Variants in GALNT18 observed in about 807,000 individuals in gnomAD.
GALNT18 encodes polypeptide N-acetylgalactosaminyltransferase 18.
GALNT18 carries 44 observed loss-of-function variants against 69.5 expected under a neutral mutation model. The observed-to-expected ratio is 0.63, with a 90% CI of 0.50 to 0.81. GALNT18 has a LOEUF of 0.81. Among genes scored for constraint, GALNT18 ranks in the 40% least tolerant of loss-of-function variants. The pLI is 0.00. For missense variants in GALNT18, 715 were observed against 810.0 expected, an observed-to-expected ratio of 0.88 and a Z score of 1.42; for synonymous variants, 364 against 318.2, an observed-to-expected ratio of 1.14 and a Z score of -1.53.
rs746409394 is a variant in GALNT18 at position 11,432,621 on chromosome 11, C to G, written c.595G>C (p.Glu199Gln). ...GGCCCTGGGAAGCTCCGACACTCAC[C>G]GTTACTGCTGTTGTCATCCACCAGA... The part of the protein sequence containing the change: ...IILVDDNSSN[E>Q]ELKEKLTEYV... Residue 199 changes from glutamate (E) to glutamine (Q), a missense_variant and splice_region_variant, in exon 3 of 11, where the codon GAG becomes CAG. Glu to Gln is a conservative substitution (Grantham distance 29). Coordinates refer to ENST00000227756, the MANE Select transcript of GALNT18 (RefSeq NM_198516.3). The surrounding 1 kb of genome is among the most constrained non-coding windows in gnomAD (Gnocchi z 5.8). The G allele has an allele frequency of 2.3e-5, 37 of 1,604,820 alleles. No individual in the cohort carries two copies. The highest frequency in any genetic ancestry group is 3.1e-5 in the Non-Finnish European group (37 of 1,175,452).
intron 1 of GALNT18, among the ~76,000 whole-genome samples, chr11:11,513,993 A>G (rs1590064481): frequency 6.6e-6 from 1 of 151,892 alleles, no homozygotes; most frequent in South Asian, 2.1e-4. Flanking sequence ...GTTCCCCCCA[A>G]GGGCCAGGAG....
At chr11:11,414,880 C>A (rs548877077) in intron 3 of GALNT18, among the ~76,000 whole-genome samples, 2 of 152,166 alleles carry the variant, frequency 1.3e-5, no homozygotes, top group African/African-American at 2.4e-5. Context: ...GTACAATGAG[C>A]CTGGATTCTC....
intron 1 of GALNT18, among the ~76,000 whole-genome samples, chr11:11,516,919 G>C (rs1413608899): frequency 2.0e-5 from 3 of 152,224 alleles, no homozygotes; most frequent in African/African-American, 4.8e-5. Flanking sequence ...AACCCACAAA[G>C]TTCATACGGT....
chr11:11,376,342 A>C (rs1338603023), intron 5 of GALNT18, among the ~76,000 whole-genome samples: 1 of 152,162 alleles, frequency 6.6e-6, no homozygotes, highest in African/African-American at 2.4e-5. Flanking sequence ...AGATCACGCC[A>C]TTGCCCTCCA....
At chr11:11,381,135 A>G (rs1035817374) in intron 3 of GALNT18, among the ~76,000 whole-genome samples, 2 of 152,250 alleles carry the variant, frequency 1.3e-5, no homozygotes, top group Non-Finnish European at 2.9e-5. Context: ...ATGGAGCAGC[A>G]TAACTCAATA....
chr11:11,347,094 A>G lies in GALNT18; in HGVS notation c.1093-6090T>C, dbSNP rs2133062769. 6.6e-6 allele frequency among the ~76,000 whole-genome samples: 1 copy of G among 152,310 alleles called. No individual in the cohort carries two copies. The highest frequency in any genetic ancestry group is 1.5e-5 in the Non-Finnish European group (1 of 68,026). On this transcript the variant is annotated intron_variant, in intron 6 of 10. Transcript: ENST00000227756. The surrounding 1 kb of genome is among the most constrained non-coding windows in gnomAD (Gnocchi z 4.0). ...GTACAAGGTCAGGGTTACATCTTGTATTGGCCACTCACACAAACAAGCCTC... is the reference window on the plus strand; with the variant it reads ...GTACAAGGTCAGGGTTACATCTTGTGTTGGCCACTCACACAAACAAGCCTC...
chr11:11,587,925 A>G lies in GALNT18; in HGVS notation c.235+33434T>C, dbSNP rs1859264793. Among the ~76,000 whole-genome samples the G allele has an allele frequency of 6.6e-6, 1 of 152,122 alleles. No homozygotes were observed. Among genetic ancestry groups the G allele is most frequent in the African/African-American group, 2.4e-5 (1 of 41,434 alleles). ...AAGGAAGCCTTTCTACTAATTCACT[A>G]AGAGTGGCATGTCTCTACCAATAAA... On this transcript the variant is annotated intron_variant, in intron 1 of 10. Transcript: ENST00000227756. This position sits in a 1 kb window ranked among gnomAD's most constrained non-coding sequence, Gnocchi z 4.4.
At chr11:11,403,578 T>C (rs1034820894) in intron 3 of GALNT18, among the ~76,000 whole-genome samples, 1 of 152,186 alleles carries the variant, frequency 6.6e-6, no homozygotes, top group African/African-American at 2.4e-5. Context: ...TTTTCTTCCC[T>C]CTGGAACTTC....
At chr11:11,487,655 T>C (rs564595924) in intron 1 of GALNT18, among the ~76,000 whole-genome samples, 1 of 152,326 alleles carries the variant, frequency 6.6e-6, no homozygotes, top group East Asian at 1.9e-4. Context: ...TTTCCATACG[T>C]TGGCTTCTAA....
chr11:11,285,543 C>G (rs1347496225), intron 10 of GALNT18, among the ~76,000 whole-genome samples: 2 of 152,156 alleles, frequency 1.3e-5, no homozygotes, highest in Non-Finnish European at 2.9e-5. Context: ...GTGCTGACTT[C>G]CATAAACCAA....
intron 1 of GALNT18, among the ~76,000 whole-genome samples, chr11:11,550,950 G>A (rs1346873257): frequency 6.6e-6 from 1 of 152,128 alleles, no homozygotes; most frequent in Non-Finnish European, 1.5e-5. Flanking sequence ...AGCATGGAGA[G>A]GAAGAGCAAC....
intron 6 of GALNT18, among the ~76,000 whole-genome samples, chr11:11,360,536 C>T (rs907851564): frequency 7.2e-5 from 11 of 152,122 alleles, no homozygotes; most frequent in African/African-American, 9.7e-5. Flanking sequence ...TTTATTTTAG[C>T]AGAATTATTT....
rs139147324 is a variant in GALNT18, at chr11:11,560,590, C to T, written c.235+60769G>A. 8.3e-4 allele frequency among the ~76,000 whole-genome samples: 127 copies of T among 152,300 alleles called. 1 individual carries two copies. Among genetic ancestry groups the T allele is most frequent in the South Asian group, 8.3e-4 (4 of 4,826 alleles). ...CTGTCAAGGAGTTCAGCTGGAAGGGCGCTGTCCCCACACAGCTCTAGACAC... is the reference window on the plus strand; with the variant it reads ...CTGTCAAGGAGTTCAGCTGGAAGGGTGCTGTCCCCACACAGCTCTAGACAC... On this transcript the variant is annotated intron_variant, in intron 1 of 10. Transcript: ENST00000227756.
intron 1 of GALNT18, among the ~76,000 whole-genome samples, chr11:11,539,706 A>G (rs1857868007): frequency 6.6e-6 from 1 of 152,214 alleles, no homozygotes; most frequent in Non-Finnish European, 1.5e-5. Context: ...GTCCATCTCA[A>G]TCACTTAAGT....
chr11:11,545,456 A>T (rs373813658), intron 1 of GALNT18, among the ~76,000 whole-genome samples: 1 of 152,188 alleles, frequency 6.6e-6, no homozygotes, highest in Non-Finnish European at 1.5e-5. Flanking sequence ...CTGTGTGTCC[A>T]TGTGCAGCCA....
At chr11:11,386,465 C>T (rs1236821384) in intron 3 of GALNT18, among the ~76,000 whole-genome samples, 3 of 152,162 alleles carry the variant, frequency 2.0e-5, no homozygotes, top group African/African-American at 7.2e-5. Flanking sequence ...AAGGGCCCCA[C>T]CAATTGCTTC....
intron 7 of GALNT18, among the ~76,000 whole-genome samples, chr11:11,333,860 G>C (rs1021383971): frequency 6.6e-6 from 1 of 152,070 alleles, no homozygotes; most frequent in African/African-American, 2.4e-5. Context: ...TGTTGAATGG[G>C]GCACAGAATT....
intron 2 of GALNT18, among the ~76,000 whole-genome samples, chr11:11,447,612 C>T (rs1855686001): frequency 6.6e-6 from 1 of 152,144 alleles, no homozygotes; most frequent in African/African-American, 2.4e-5. Context: ...GCTGGGGAGG[C>T]CTCAGGAAAC....
intron 2 of GALNT18, among the ~76,000 whole-genome samples, chr11:11,443,786 G>C (rs1374276349): frequency 6.6e-6 from 1 of 152,232 alleles, no homozygotes; most frequent in Admixed American, 6.5e-5. Flanking sequence ...AGTCTGAAGT[G>C]TCCTGCCTCC....
Sources: gnomAD v4.1 joint callset for allele counts (sites outside exome capture counted in the v4.1 genomes callset) on GRCh38, gnomAD v4.1.1 for gene constraint, Gnocchi (gnomAD v3.1) non-coding constraint, MANE v1.5 for transcripts, NCBI Gene and HGNC (gene_info 2026-07-23, HGNC 2026-07-21) for gene names.